ACKR2: variants seen among roughly 807,000 people sequenced by gnomAD.
ACKR2 encodes atypical chemokine receptor 2, also known as C-C chemokine receptor D6.
For synonymous variants in ACKR2, 207 were observed against 192.2 expected (o/e 1.08, Z -0.64); for missense variants, 457 against 477.3 (o/e 0.96, Z 0.40).
chr3:42,826,177 A>C (rs897326041), intron 2 of ACKR2, among the ~76,000 whole-genome samples: 3 of 151,998 alleles, frequency 2.0e-5, no homozygotes, highest in South Asian at 2.1e-4. Flanking sequence ...GTGTCTGAGA[A>C]TCTATATATG....
At chr3:42,846,580 T>TTGGGCTGCATTCAAAGCTGTCC (rs1240105312) in intron 2 of ACKR2, among the ~76,000 whole-genome samples, 1 of 152,194 alleles carries the variant, frequency 6.6e-6, no homozygotes, top group African/African-American at 2.4e-5. Context: ...AGAATTTGTG[T>TTGGGCTGCATTCAAAGCTGTCC]TGGGCTGCAT....
intron 2 of ACKR2, among the ~76,000 whole-genome samples, chr3:42,834,120 G>A (rs890788067): frequency 2.4e-4 from 36 of 152,066 alleles, no homozygotes; most frequent in Middle Eastern, 6.8e-3. Flanking sequence ...CTCCACGCCC[G>A]GCTAATTTTG....
intron 2 of ACKR2, chr3:42,851,443 A>G (rs1205253834): frequency 2.0e-6 from 2 of 985,256 alleles, no homozygotes; most frequent in East Asian, 1.1e-4. Flanking sequence ...CAAGCAAGTC[A>G]TTCTGGCTCC....
intron 2 of ACKR2, among the ~76,000 whole-genome samples, chr3:42,836,566 T>C (rs939164638): frequency 6.6e-6 from 1 of 152,192 alleles, no homozygotes; most frequent in African/African-American, 2.4e-5. Flanking sequence ...CCTGTGGCGT[T>C]CTGTTGACCA....
intron 2 of ACKR2, among the ~76,000 whole-genome samples, chr3:42,859,327 C>G (rs560325405): frequency 3.9e-5 from 6 of 152,018 alleles, no homozygotes; most frequent in East Asian, 1.9e-4. Context: ...CAGCTGATCT[C>G]TCTGCAGAAA....
At chr3:42,810,473 G>A (rs1328503509) in intron 1 of ACKR2, among the ~76,000 whole-genome samples, 3 of 148,700 alleles carry the variant, frequency 2.0e-5, no homozygotes, top group Non-Finnish European at 3.0e-5. Context: ...GCCCAGGCAC[G>A]CCACAATACC....
chr3:42,821,075 G>A (rs1024676040), intron 2 of ACKR2, among the ~76,000 whole-genome samples: 6 of 151,934 alleles, frequency 3.9e-5, no homozygotes, highest in African/African-American at 7.3e-5. Context: ...TAGTAGAGAC[G>A]AGGTTTCACT....
At chr3:42,827,316 C>T (rs1210630026) in intron 2 of ACKR2, among the ~76,000 whole-genome samples, 1 of 152,166 alleles carries the variant, frequency 6.6e-6, no homozygotes, top group African/African-American at 2.4e-5. Flanking sequence ...TTTCTTAATC[C>T]ATCTCCCTAA....
chr3:42,853,920 C>G (rs1701190196), intron 2 of ACKR2, among the ~76,000 whole-genome samples: 1 of 152,194 alleles, frequency 6.6e-6, no homozygotes, highest in Non-Finnish European at 1.5e-5. Context: ...CTCTGGAGAT[C>G]ACATTCAGTC....
intron 2 of ACKR2, chr3:42,851,280 AT>A: frequency 1.3e-5 from 11 of 867,388 alleles, no homozygotes; most frequent in Non-Finnish European, 1.4e-5. Flanking sequence ...GGGCAAAGGG[AT>A]TTTTTTTATT....
At chr3:42,862,286 A>G (rs898312571) in intron 2 of ACKR2, among the ~76,000 whole-genome samples, 1 of 152,222 alleles carries the variant, frequency 6.6e-6, no homozygotes, top group Admixed American at 6.5e-5. Context: ...TAAAATACCT[A>G]AGAATACAAC....
intron 2 of ACKR2, among the ~76,000 whole-genome samples, chr3:42,839,617 T>C (rs946806816): frequency 1.3e-5 from 2 of 152,156 alleles, no homozygotes; most frequent in Admixed American, 1.3e-4. Context: ...ACTTGTAATG[T>C]TAGAAGTCAG....
chr3:42,831,397 TTTC>T (rs769227876), intron 2 of ACKR2, among the ~76,000 whole-genome samples: 1 of 152,216 alleles, frequency 6.6e-6, no homozygotes, highest in Non-Finnish European at 1.5e-5. Context: ...CGTTAAAACA[TTTC>T]TTCTTTGCCA....
intron 2 of ACKR2, among the ~76,000 whole-genome samples, chr3:42,848,016 AG>A (rs2066603327): frequency 6.6e-6 from 1 of 151,968 alleles, no homozygotes; most frequent in Non-Finnish European, 1.5e-5. Context: ...ACACTGAGGG[AG>A]TGACTTAGCC....
chr3:42,817,285 G>A (rs185967658), intron 1 of ACKR2, among the ~76,000 whole-genome samples: 10 of 152,144 alleles, frequency 6.6e-5, no homozygotes, highest in East Asian at 1.9e-4. Context: ...TTTTTAGACC[G>A]TGAAGTTTTC....
intron 1 of ACKR2, among the ~76,000 whole-genome samples, chr3:42,810,655 C>T (rs1311236312): frequency 6.6e-6 from 1 of 152,124 alleles, no homozygotes; most frequent in South Asian, 2.1e-4. Flanking sequence ...TTGTACGACC[C>T]GACCACTACC....
intron 1 of ACKR2, among the ~76,000 whole-genome samples, chr3:42,809,998 T>G (rs1222213081): frequency 1.3e-5 from 2 of 151,944 alleles, no homozygotes; most frequent in African/African-American, 4.8e-5. Context: ...GTAAGACAGG[T>G]TGGTTAGAAA....
chr3:42,848,810 G>A (rs1241564216), intron 2 of ACKR2, among the ~76,000 whole-genome samples: 1 of 152,172 alleles, frequency 6.6e-6, no homozygotes, highest in African/African-American at 2.4e-5. Context: ...TGCCAGGAAA[G>A]AGACATCTTT....
intron 2 of ACKR2, among the ~76,000 whole-genome samples, chr3:42,845,014 C>A (rs1701078118): frequency 6.6e-6 from 1 of 152,140 alleles, no homozygotes; most frequent in Non-Finnish European, 1.5e-5. Flanking sequence ...CCATTGAAGA[C>A]TTCATTTGAT....
Sources: allele counts gnomAD v4.1 joint callset (sites outside exome capture counted in the v4.1 genomes callset), GRCh38; gene constraint gnomAD v4.1.1; transcripts MANE v1.5; gene names NCBI Gene and HGNC (gene_info 2026-07-23, HGNC 2026-07-21).